The following CHD7 variants were observed in gnomAD, a reference collection of about 807,000 sequenced individuals.
The protein encoded by CHD7 is ATP-dependent chromatin remodeler CHD7.
CHD7 carries 24 observed loss-of-function variants against 307.3 expected under a neutral mutation model. That is an observed-to-expected ratio of 0.08 (90% CI 0.06 to 0.11). The LOEUF is 0.11. Ranked by LOEUF, CHD7 falls within the 10% of genes least tolerant of loss-of-function variation. The pLI is 1.00. For missense variants in CHD7, 3,106 were observed against 3,727.1 expected (o/e 0.83, Z 4.34); for synonymous variants, 1,363 against 1,349.9 (o/e 1.01, Z -0.21).
intron 1 of CHD7, among the ~76,000 whole-genome samples, chr8:60,681,399 G>A (rs1805621539): frequency 6.6e-6 from 1 of 152,142 alleles, no homozygotes; most frequent in Admixed American, 6.5e-5. Flanking sequence ...TTTGACTGAG[G>A]CCCATTCATT....
intron 2 of CHD7, among the ~76,000 whole-genome samples, chr8:60,779,863 C>T (rs188176893): frequency 5.7e-4 from 87 of 152,118 alleles, no homozygotes; most frequent in Middle Eastern, 6.8e-3. Flanking sequence ...CTTAGAGTGG[C>T]GGTGTCTTCA....
intron 2 of CHD7, among the ~76,000 whole-genome samples, chr8:60,769,502 A>G (rs1435991377): frequency 6.6e-6 from 1 of 152,216 alleles, no homozygotes; most frequent in Admixed American, 6.5e-5. Flanking sequence ...TAGCTAATCA[A>G]CCATTTGAGT....
At chr8:60,786,891 C>T (rs148519640) in intron 3 of CHD7, among the ~76,000 whole-genome samples, 286 of 152,252 alleles carry the variant, frequency 1.9e-3, no homozygotes, top group African/African-American at 6.4e-3. Context: ...AGGCAGTCTT[C>T]GGGTGCTTGT....
At chr8:60,721,318 T>C (rs1258859643) in intron 1 of CHD7, among the ~76,000 whole-genome samples, 1 of 152,082 alleles carries the variant, frequency 6.6e-6, no homozygotes, top group Non-Finnish European at 1.5e-5. Context: ...CTCTCCCAGT[T>C]GACAAAAAAG....
intron 15 of CHD7, among the ~76,000 whole-genome samples, chr8:60,831,528 C>T (rs1702349344): frequency 6.6e-6 from 1 of 152,014 alleles, no homozygotes; most frequent in African/African-American, 2.4e-5. Context: ...CTCCACTCTA[C>T]TCTGCAGGCA....
At chr8:60,700,312 A>G (rs1806698115) in intron 1 of CHD7, among the ~76,000 whole-genome samples, 1 of 152,162 alleles carries the variant, frequency 6.6e-6, no homozygotes, top group Non-Finnish European at 1.5e-5. Flanking sequence ...ACCATCTTAG[A>G]GTAATTATAA....
intron 25 of CHD7, among the ~76,000 whole-genome samples, chr8:60,849,569 A>G (rs2150802625): frequency 6.6e-6 from 1 of 152,276 alleles, no homozygotes; most frequent in Admixed American, 6.5e-5. Flanking sequence ...AATATTTCAC[A>G]AATGTCAGTG....
chr8:60,757,124 C>G (rs1809939474), intron 2 of CHD7, among the ~76,000 whole-genome samples: 1 of 152,106 alleles, frequency 6.6e-6, no homozygotes, highest in South Asian at 2.1e-4. Context: ...TGTAGGAAAT[C>G]CAGCCCTTTA....
intron 1 of CHD7, among the ~76,000 whole-genome samples, chr8:60,718,205 G>T (rs555717450): frequency 1.3e-5 from 2 of 152,112 alleles, no homozygotes; most frequent in African/African-American, 4.8e-5. Flanking sequence ...AGTTGGTCGC[G>T]GTAGCTCACA....
Position 60,686,765 on chromosome 8 carries a change from ACAGT to A in CHD7, c.-175+7687_-175+7690del, listed in dbSNP as rs146022304. Among the ~76,000 whole-genome samples, 1,499 of 152,234 alleles carry A rather than the reference ACAGT, an allele frequency of 9.8e-3. 21 individuals are homozygous for A. Among genetic ancestry groups the A allele is most frequent in the African/African-American group, 0.034 (1,418 of 41,514 alleles). On this transcript the variant is annotated intron_variant, in intron 1 of 37. Coordinates refer to ENST00000423902, the MANE Select transcript of CHD7 (RefSeq NM_017780.4). The stretch of plus-strand genomic sequence containing the variant: ...CTTTCCCTAGTATCCTCAGTGTAAA[ACAGT>A]CAGATTTCTATACCATATTTGCAGT...
At chr8:60,680,603 C>G (rs951549600) in intron 1 of CHD7, among the ~76,000 whole-genome samples, 1 of 152,084 alleles carries the variant, frequency 6.6e-6, no homozygotes, top group Non-Finnish European at 1.5e-5. Flanking sequence ...GTGAGCGCCC[C>G]CGTGAAGCGA....
chr8:60,773,209 G>T (rs557363379), intron 2 of CHD7, among the ~76,000 whole-genome samples: 127 of 152,328 alleles, frequency 8.3e-4, no homozygotes, highest in African/African-American at 2.9e-3. Flanking sequence ...CACTCTTACT[G>T]CAATAAACTT....
Position 60,800,398 on chromosome 8 carries a change from C to A in CHD7, c.2249C>A (p.Ser750Tyr). The change falls in exon 5 of 38, where the codon TCC becomes TAC. Residue 750 changes from serine to tyrosine, a missense_variant. Physicochemically the swap from Ser to Tyr is moderately radical, Grantham distance 144. Coordinates refer to ENST00000423902, the MANE Select transcript of CHD7 (RefSeq NM_017780.4). Reference sequence around the variant, plus strand: ...GGGTTTTTGTTTTAGAAGAGACGGTCCAGCAGACAGGTGAAGAGAAAGCGC... The same window carrying A: ...GGGTTTTTGTTTTAGAAGAGACGGTACAGCAGACAGGTGAAGAGAAAGCGC... ...DEDPGVQKRR[S>Y]SRQVKRKRYT... The A allele has an allele frequency of 6.2e-7, 1 of 1,613,286 alleles. No homozygotes were observed. The highest frequency in any genetic ancestry group is 1.1e-5 in the South Asian group (1 of 90,978).
At position 60,856,494 on chromosome 8, in the gene CHD7, G is replaced by A; in HGVS notation, c.7214G>A (p.Arg2405Lys). 1 of 1,613,694 alleles carries A rather than the reference G, an allele frequency of 6.2e-7. No individual in the cohort carries two copies. The highest frequency in any genetic ancestry group is 8.5e-7 in the Non-Finnish European group (1 of 1,179,770). ...SVPRQRRRRR[R>K]KIEIEAERAA... ...CCTCGCCAGCGGAGGAGGAGGAGGA[G>A]AAAAATCGAAATTGAGGCCGAAAGA... is the stretch of plus-strand genomic sequence containing the variant. The change falls in exon 34 of 38, where the codon AGA becomes AAA. Residue 2405 changes from arginine (R) to lysine (K), a missense_variant. Arg to Lys is a conservative substitution (Grantham distance 26). Coordinates refer to ENST00000423902, the MANE Select transcript of CHD7 (RefSeq NM_017780.4).
chr8:60,858,964 C>T (rs984944715), intron 34 of CHD7, among the ~76,000 whole-genome samples: 13 of 152,314 alleles, frequency 8.5e-5, no homozygotes, highest in Middle Eastern at 6.8e-3. Flanking sequence ...ATGCAACACA[C>T]GTGCTTTTTT....
At chr8:60,809,590 C>T (rs1370146808) in intron 7 of CHD7, 1 of 145,138 alleles carries the variant, frequency 6.9e-6, no homozygotes, top group Admixed American at 7.0e-5. Context: ...GCTCCGAGTT[C>T]CTGACCAGGT....
At chr8:60,858,724 C>A (rs1805830382) in intron 34 of CHD7, among the ~76,000 whole-genome samples, 1 of 152,232 alleles carries the variant, frequency 6.6e-6, no homozygotes, top group Non-Finnish European at 1.5e-5. Context: ...TCTCCCACCT[C>A]AGCCTCCCTA....
Position 60,856,659 on chromosome 8 carries a change from C to G in CHD7, c.7379C>G (p.Ser2460Cys), listed in dbSNP as rs1258171197. 1.2e-6 allele frequency: 2 copies of G among 1,613,922 alleles called. No individual in the cohort carries two copies. Among genetic ancestry groups the G allele is most frequent in the Non-Finnish European group, 1.7e-6 (2 of 1,179,886 alleles). The change falls in exon 34 of 38, where the codon TCT (serine) becomes TGT (cysteine). Residue 2460 changes from serine (S) to cysteine (C), a missense_variant. Around this residue, in one of 10 missense-constraint regions of CHD7, gnomAD observed 1,030 missense variants for 1,165.4 expected, o/e 0.88. Transcript: ENST00000423902. ...EATSSTSNFS[S>C]LSSKFILPNV... ...ACAAGCTCTACCTCAAATTTTTCAT[C>G]TCTTTCTTCAAAGTTTATCTTGCCT...
At chr8:60,773,909 GAACTA>G (rs1419145306) in intron 2 of CHD7, among the ~76,000 whole-genome samples, 2 of 152,114 alleles carry the variant, frequency 1.3e-5, no homozygotes, top group African/African-American at 2.4e-5. Context: ...CTTTAGTTCG[GAACTA>G]AACTAGAGTT....
Sources: allele counts gnomAD v4.1 joint callset (sites outside exome capture counted in the v4.1 genomes callset), GRCh38; gene constraint gnomAD v4.1.1; regional missense constraint gnomAD v4.1.1; transcripts MANE v1.5; gene names NCBI Gene and HGNC (gene_info 2026-07-23, HGNC 2026-07-21).